CAP2: variants seen among roughly 807,000 people sequenced by gnomAD.
CAP2 encodes the protein cyclase associated actin cytoskeleton regulatory protein 2.
CAP2 carries 24 observed loss-of-function variants against 57.7 expected under a neutral mutation model. The observed-to-expected ratio is 0.42, with a 90% CI of 0.30 to 0.58. The LOEUF is 0.58. CAP2 is among the 20% of genes least tolerant of loss of function. CAP2 has a pLI of 0.22. For missense variants in CAP2, 501 were observed against 590.3 expected (o/e 0.85, Z 1.57); for synonymous variants, 194 against 207.2 (o/e 0.94, Z 0.55).
intron 3 of CAP2, among the ~76,000 whole-genome samples, chr6:17,445,279 G>A (rs1229289652): frequency 6.6e-6 from 1 of 152,124 alleles, no homozygotes; most frequent in Non-Finnish European, 1.5e-5. Context: ...GCTAGTTTTT[G>A]TATTTTTAGT....
At chr6:17,461,218 C>CTTTTTTTTTTTTTTT (rs35423332) in intron 3 of CAP2, among the ~76,000 whole-genome samples, 1 of 147,970 alleles carries the variant, frequency 6.8e-6, no homozygotes. Flanking sequence ...TCTTTGAAAC[C>CTTTTTTTTTTTTTTT]TTTTTTTTTT....
intron 11 of CAP2, among the ~76,000 whole-genome samples, chr6:17,545,039 G>A (rs1354515293): frequency 2.0e-5 from 3 of 152,144 alleles, no homozygotes; most frequent in Non-Finnish European, 4.4e-5. Context: ...TTGGATGGTG[G>A]GAGTTCCTAT....
At chr6:17,508,190 T>G (rs1419759542) in intron 6 of CAP2, among the ~76,000 whole-genome samples, 1 of 152,162 alleles carries the variant, frequency 6.6e-6, no homozygotes, top group Non-Finnish European at 1.5e-5. Context: ...TCAGTTAATA[T>G]GAAATACAAC....
chr6:17,442,800 C>T (rs1760127046), intron 3 of CAP2, among the ~76,000 whole-genome samples: 1 of 151,984 alleles, frequency 6.6e-6, no homozygotes, highest in South Asian at 2.1e-4. Context: ...TTACTGCAAC[C>T]TCTTCCTCCT....
At position 17,404,222 on chromosome 6, in the gene CAP2, C is replaced by T. The variant is rs970930288; in HGVS notation, c.-2+10476C>T. Reference sequence around the variant, plus strand: ...CATGGTGGCTCACGCCTGTAATCCCCACCACTTTGAGAGGCCGAGGTGGGT... The same window carrying T: ...CATGGTGGCTCACGCCTGTAATCCCTACCACTTTGAGAGGCCGAGGTGGGT... On this transcript the variant is annotated intron_variant, in intron 1 of 12. Transcript: ENST00000229922. Among the ~76,000 whole-genome samples the T allele has an allele frequency of 4.6e-5, 7 of 152,164 alleles. No homozygotes were observed. The East Asian group carries it at 9.6e-4, about 21-fold the overall frequency.
At chr6:17,547,040 GACAA>G (rs1454636203) in intron 11 of CAP2, among the ~76,000 whole-genome samples, 9 of 152,088 alleles carry the variant, frequency 5.9e-5, no homozygotes, top group East Asian at 1.9e-4. Flanking sequence ...ACCAATAACA[GACAA>G]ACAGAGAGCC....
At position 17,442,183 on chromosome 6, in the gene CAP2, C is replaced by T. The variant is rs182558433; in HGVS notation, c.222+15493C>T. ...GTTGCTGAATCTGAAAGAGATTCCT[C>T]TACTCCTTAGAGCTCATGATATAAT... On this transcript the variant is annotated intron_variant, in intron 3 of 12. Transcript: ENST00000229922. Among the ~76,000 whole-genome samples the T allele has an allele frequency of 1.3e-3, 204 of 152,276 alleles. 2 individuals are homozygous for T. The highest frequency in any genetic ancestry group is 4.7e-3 in the African/African-American group (196 of 41,544).
chr6:17,413,787 C>T (rs1413958427), intron 1 of CAP2, among the ~76,000 whole-genome samples: 1 of 152,224 alleles, frequency 6.6e-6, no homozygotes, highest in Non-Finnish European at 1.5e-5. Flanking sequence ...GACGCAGTGG[C>T]TCACGTCTGT....
chr6:17,543,494 G>A (rs1039891527), intron 11 of CAP2, among the ~76,000 whole-genome samples: 6 of 151,958 alleles, frequency 3.9e-5, no homozygotes, highest in East Asian at 3.9e-4. Context: ...GGTGGCAGGC[G>A]CCTGTAGTCC....
intron 12 of CAP2, among the ~76,000 whole-genome samples, chr6:17,552,563 C>T (rs367696495): frequency 5.9e-5 from 9 of 152,240 alleles, no homozygotes; most frequent in East Asian, 5.8e-4. Flanking sequence ...ACCCGAGAGG[C>T]GGAGGTTGCA....
At chr6:17,504,372 T>C (rs1761919221) in intron 4 of CAP2, among the ~76,000 whole-genome samples, 1 of 152,236 alleles carries the variant, frequency 6.6e-6, no homozygotes, top group African/African-American at 2.4e-5. Context: ...CTGAGTACAC[T>C]GTGGAGCAAG....
At chr6:17,484,680 G>T (rs1010964555) in intron 4 of CAP2, among the ~76,000 whole-genome samples, 2 of 152,142 alleles carry the variant, frequency 1.3e-5, no homozygotes, top group African/African-American at 4.8e-5. Context: ...ATATGGAGCC[G>T]GGTCCGTGCA....
At chr6:17,542,227 C>T (rs1762923006) in intron 9 of CAP2, among the ~76,000 whole-genome samples, 2 of 152,172 alleles carry the variant, frequency 1.3e-5, no homozygotes, top group South Asian at 4.1e-4. Context: ...GAAGTCTGTG[C>T]CCCACTCTGA....
intron 4 of CAP2, among the ~76,000 whole-genome samples, chr6:17,467,672 C>T (rs958317820): frequency 1.1e-4 from 17 of 152,192 alleles, no homozygotes; most frequent in South Asian, 2.1e-4. Flanking sequence ...TATAGGCACA[C>T]GCCACCACAC....
At chr6:17,397,924 GAAAAA>G (rs59242524) in intron 1 of CAP2, among the ~76,000 whole-genome samples, 1 of 139,200 alleles carries the variant, frequency 7.2e-6, no homozygotes, top group South Asian at 2.3e-4. Context: ...ATTTTAATGG[GAAAAA>G]AAAAAAAAGA....
intron 7 of CAP2, among the ~76,000 whole-genome samples, chr6:17,521,884 A>G (rs1349324040): frequency 3.3e-5 from 5 of 152,042 alleles, no homozygotes; most frequent in African/African-American, 9.7e-5. Flanking sequence ...TGAGGCGGGT[A>G]GATCACCTAA....
chr6:17,500,799 G>C (rs1055546354), intron 4 of CAP2, among the ~76,000 whole-genome samples: 1 of 152,176 alleles, frequency 6.6e-6, no homozygotes, highest in Non-Finnish European at 1.5e-5. Context: ...ACAGTTCTAT[G>C]TTGACACTTT....
At chr6:17,518,706 T>A (rs1292045725) in intron 7 of CAP2, among the ~76,000 whole-genome samples, 1 of 152,132 alleles carries the variant, frequency 6.6e-6, no homozygotes, top group Non-Finnish European at 1.5e-5. Flanking sequence ...GGCACAATCA[T>A]GGCTCACTGC....
intron 2 of CAP2, 58 bp from the exon 3 acceptor site, chr6:17,426,532 G>A (rs1348895312): frequency 1.5e-6 from 2 of 1,291,390 alleles, no homozygotes; most frequent in Non-Finnish European, 2.3e-6. Context: ...ACCGTGCCCG[G>A]CTAGTCCCAG....
Sources: gnomAD v4.1 joint callset for allele counts (sites outside exome capture counted in the v4.1 genomes callset) on GRCh38, gnomAD v4.1.1 for gene constraint, MANE v1.5 for transcripts, NCBI Gene and HGNC (gene_info 2026-07-23, HGNC 2026-07-21) for gene names.